CNTN6: variants seen among roughly 807,000 people sequenced by gnomAD.
The protein encoded by CNTN6 is contactin 6.
Under a neutral mutation model 122.8 loss-of-function variants are expected in CNTN6, and 137 were observed. The ratio of observed to expected loss-of-function variants is 1.12; its 90% CI spans 0.97 to 1.29. CNTN6 has a LOEUF of 1.29. CNTN6 is among the 50% of genes most tolerant of loss of function. The probability of loss-of-function intolerance (pLI) is 0.00; values close to 1 mark genes in which losing one functional copy is unlikely to be tolerated. For synonymous variants in CNTN6, 570 were observed against 426.0 expected (o/e 1.34, Z -4.16); for missense variants, 1,634 against 1,223.4 (o/e 1.34, Z -5.01).
chr3:1,265,518 A>G lies in CNTN6; in HGVS notation c.359-12895A>G, dbSNP rs2094913515. ...CCCTCACACAACACACTTGATAAAC[A>G]CATGTCTATAGATTTTTGTTTGTAA... On this transcript the variant is annotated intron_variant, in intron 4 of 22. Transcript: ENST00000446702. Among the ~76,000 whole-genome samples, 3 of 152,230 alleles carry G rather than the reference A, an allele frequency of 2.0e-5. 1 individual carries two copies. In the South Asian group the frequency reaches 6.2e-4, roughly 32 times the overall value.
rs541879525 is a variant in CNTN6, at chr3:1,377,553, C to T, written c.2166+478C>T. Among the ~76,000 whole-genome samples the T allele has an allele frequency of 2.6e-5, 4 of 152,264 alleles. No homozygotes were observed. The East Asian group carries it at 7.7e-4, about 29-fold the overall frequency. On this transcript the variant is annotated intron_variant, in intron 17 of 22. Transcript: ENST00000446702. ...GTCATTCTTATTACCCATTAACATACAGGCTCATTTTTTTACCTTATTAAA... is the reference window on the plus strand; with the variant it reads ...GTCATTCTTATTACCCATTAACATATAGGCTCATTTTTTTACCTTATTAAA...
intron 12 of CNTN6, among the ~76,000 whole-genome samples, chr3:1,353,859 A>T (rs1290570786): frequency 6.6e-6 from 1 of 151,604 alleles, no homozygotes; most frequent in African/African-American, 2.4e-5. Context: ...GGGCATTAAA[A>T]CGTGAAATAG....
At chr3:1,285,801 G>A (rs1043674847) in intron 5 of CNTN6, among the ~76,000 whole-genome samples, 15 of 152,180 alleles carry the variant, frequency 9.9e-5, no homozygotes, top group African/African-American at 3.1e-4. Context: ...TGGTCCAGAA[G>A]AGACACTTAA....
At chr3:1,382,846 T>C in intron 17 of CNTN6, 96 bp from the exon 18 acceptor site, 1 of 810,136 alleles carries the variant, frequency 1.2e-6, no homozygotes, top group Non-Finnish European at 2.0e-6. Context: ...TCCATATTTG[T>C]CTCTATGGAA....
At chr3:1,332,173 C>T (rs1702380654) in intron 11 of CNTN6, among the ~76,000 whole-genome samples, 1 of 152,048 alleles carries the variant, frequency 6.6e-6, no homozygotes, top group East Asian at 1.9e-4. Context: ...AATAATTGAG[C>T]TCTAGCAGAA....
chr3:1,123,949 G>T (rs996424), intron 1 of CNTN6, among the ~76,000 whole-genome samples: 103,489 of 151,830 alleles, frequency 0.68, 36,655 homozygotes, highest in African/African-American at 0.88. Context: ...ATCATATGAG[G>T]TTTTCTCTCC....
chr3:1,356,588 T>C (rs3772283), intron 12 of CNTN6, among the ~76,000 whole-genome samples: 5,239 of 151,900 alleles, frequency 0.034, 127 homozygotes, highest in South Asian at 0.057. Flanking sequence ...CCCAGTTTGA[T>C]TGAGCAGACC....
In CNTN6 at chr3:1,338,923, A is replaced by T. The variant is rs570695936; in HGVS notation, c.1364+8988A>T. On this transcript the variant is annotated intron_variant, in intron 11 of 22. Coordinates refer to ENST00000446702, the MANE Select transcript of CNTN6 (RefSeq NM_001289080.2). Reference sequence around the variant, plus strand: ...CCTTCTAATGCCAGTGAGTGTATTTAAAAAAATAAATAAAAATAAATAATT... The same window carrying T: ...CCTTCTAATGCCAGTGAGTGTATTTTAAAAAATAAATAAAAATAAATAATT... Among the ~76,000 whole-genome samples the T allele has an allele frequency of 5.9e-5, 9 of 152,192 alleles. No homozygotes were observed. The South Asian group carries it at 1.4e-3, about 25-fold the overall frequency.
At chr3:1,388,597 A>C (rs2126211213) in intron 20 of CNTN6, among the ~76,000 whole-genome samples, 1 of 149,920 alleles carries the variant, frequency 6.7e-6, no homozygotes, top group South Asian at 2.1e-4. Context: ...AGAAGGCTTC[A>C]GACGATCAAA....
intron 2 of CNTN6, among the ~76,000 whole-genome samples, chr3:1,201,919 C>T (rs1186875004): frequency 6.6e-6 from 1 of 152,062 alleles, no homozygotes; most frequent in South Asian, 2.1e-4. Context: ...CCTGGAATTA[C>T]AGGTGCAAAT....
chr3:1,221,456 G>C (rs756533171), intron 3 of CNTN6, among the ~76,000 whole-genome samples: 1 of 152,112 alleles, frequency 6.6e-6, no homozygotes, highest in African/African-American at 2.4e-5. Context: ...TGACTTCACT[G>C]GTGGGTCACA....
intron 2 of CNTN6, among the ~76,000 whole-genome samples, chr3:1,160,563 G>C (rs551340931): frequency 2.7e-5 from 4 of 149,520 alleles, no homozygotes; most frequent in Non-Finnish European, 3.0e-5. Context: ...ATGGACCTTG[G>C]TGTTTTTAAA....
intron 2 of CNTN6, among the ~76,000 whole-genome samples, chr3:1,218,190 G>C (rs966855897): frequency 6.6e-6 from 1 of 152,082 alleles, no homozygotes; most frequent in African/African-American, 2.4e-5. Flanking sequence ...CCTGTGGTGG[G>C]GTGGCCTGGC....
rs1422039906 is a variant in CNTN6 at position 1,220,781 on chromosome 3, T to C, written c.150T>C (p.Cys50=). The C allele has an allele frequency of 6.2e-7, 1 of 1,612,578 alleles. No individual in the cohort carries two copies. The highest frequency in any genetic ancestry group is 8.5e-7 in the Non-Finnish European group (1 of 1,179,198). Residue 50 remains cysteine (C), a synonymous_variant, in exon 3 of 23, where the codon TGT becomes TGC. Transcript: ENST00000446702. ...DLSKSEVILN[C]AANGYPSPHY... is the part of the protein sequence containing the mutation. ...CAAAATCTGAGGTCATCCTGAATTG[T>C]GCTGCTAATGGTTACCCTTCGCCTC...
chr3:1,206,093 A>C (rs111752913), intron 2 of CNTN6, among the ~76,000 whole-genome samples: 9,976 of 152,172 alleles, frequency 0.066, 406 homozygotes, highest in Middle Eastern at 0.11. Flanking sequence ...AGAGTACCTA[A>C]TTGCAGGGTA....
intron 20 of CNTN6, among the ~76,000 whole-genome samples, chr3:1,387,716 A>G (rs973901441): frequency 4.3e-4 from 65 of 152,302 alleles, no homozygotes; most frequent in African/African-American, 9.9e-4. Flanking sequence ...CACCGTGCGC[A>G]AGCCGAAGCA....
intron 10 of CNTN6, among the ~76,000 whole-genome samples, chr3:1,328,773 A>G (rs1263441874): frequency 1.3e-5 from 2 of 151,660 alleles, no homozygotes; most frequent in Non-Finnish European, 3.0e-5. Context: ...ACCCGAAAGA[A>G]CTTCAGTTCA....
chr3:1,317,236 G>GTT (rs61290953), intron 7 of CNTN6, among the ~76,000 whole-genome samples: 3,527 of 151,398 alleles, frequency 0.023, 125 homozygotes, highest in African/African-American at 0.08. Context: ...ATAATTTGTT[G>GTT]TTTTTTCTTG....
chr3:1,317,216 T>C (rs1559803393), intron 7 of CNTN6, among the ~76,000 whole-genome samples: 1 of 151,404 alleles, frequency 6.6e-6, no homozygotes, highest in Non-Finnish European at 1.5e-5. Flanking sequence ...GTTTTTATCA[T>C]TATTTTTTGA....
Sources: gnomAD v4.1 joint callset for allele counts (sites outside exome capture counted in the v4.1 genomes callset) on GRCh38, gnomAD v4.1.1 for gene constraint, MANE v1.5 for transcripts, NCBI Gene and HGNC (gene_info 2026-07-23, HGNC 2026-07-21) for gene names.